IRAK2: variants seen among roughly 807,000 people sequenced by gnomAD.
The protein encoded by IRAK2 is interleukin-1 receptor-associated kinase-like 2.
In IRAK2, 57 loss-of-function variants were observed where a neutral mutation model predicts 72.0. The observed-to-expected ratio is 0.79, with a 90% CI of 0.64 to 0.99. The LOEUF is 0.99. Among genes scored for constraint, IRAK2 ranks in the 50% least tolerant of loss-of-function variants. IRAK2 has a pLI of 0.00. For synonymous variants in IRAK2, 293 were observed against 312.7 expected (o/e 0.94, Z 0.67); for missense variants, 790 against 794.4 (o/e 0.99, Z 0.07).
intron 1 of IRAK2, among the ~76,000 whole-genome samples, chr3:10,173,046 A>G (rs531512473): frequency 1.2e-4 from 18 of 152,062 alleles, no homozygotes; most frequent in African/African-American, 4.3e-4. Flanking sequence ...TACTTATATC[A>G]TGTTTATTGT....
At chr3:10,193,665 G>A (rs1301532653) in intron 2 of IRAK2, among the ~76,000 whole-genome samples, 2 of 152,174 alleles carry the variant, frequency 1.3e-5, no homozygotes, top group Non-Finnish European at 2.9e-5. Context: ...GAGAACTGCC[G>A]TGTCAACCTT....
At chr3:10,171,501 G>T (rs1696793715) in intron 1 of IRAK2, among the ~76,000 whole-genome samples, 1 of 152,116 alleles carries the variant, frequency 6.6e-6, no homozygotes, top group Non-Finnish European at 1.5e-5. Flanking sequence ...TGCTGTGGAG[G>T]ACTTTGAAGA....
At chr3:10,211,293 C>T (rs1030587069) in intron 4 of IRAK2, among the ~76,000 whole-genome samples, 1 of 150,624 alleles carries the variant, frequency 6.6e-6, no homozygotes, top group Admixed American at 6.6e-5. Flanking sequence ...AGGTGTGTGC[C>T]ACCACGCCTG....
Position 10,222,661 on chromosome 3 carries a change from C to T in IRAK2, c.1039C>T (p.Leu347Phe). ...CTCTAATGTCTTGCTGGACCAAAAT[C>T]TCACCCCCAAACTTGCTCACCCAAT... Reference protein sequence around the residue: ...KSSNVLLDQNLTPKLAHPMAH... With the variant: ...KSSNVLLDQNFTPKLAHPMAH... Residue 347 changes from leucine to phenylalanine, a missense_variant, in exon 9 of 13, where the codon CTC (leucine) becomes TTC (phenylalanine). Transcript: ENST00000256458. The T allele has an allele frequency of 6.2e-7, 1 of 1,614,124 alleles. No individual in the cohort carries two copies. The highest frequency in any genetic ancestry group is 1.1e-5 in the South Asian group (1 of 91,082).
chr3:10,224,646 G>C (rs1697743753), intron 9 of IRAK2, among the ~76,000 whole-genome samples: 1 of 143,952 alleles, frequency 6.9e-6, no homozygotes, highest in South Asian at 2.3e-4. Flanking sequence ...TAGCGTCACA[G>C]ATGACTTCCT....
At position 10,178,031 on chromosome 3, in the gene IRAK2, C is replaced by T. The variant is rs781685077; in HGVS notation, c.277+11C>T. 58 of 1,591,442 alleles carry T rather than the reference C, an allele frequency of 3.6e-5. 1 individual carries two copies. Among genetic ancestry groups the T allele is most frequent in the Middle Eastern group, 3.9e-4 (2 of 5,170 alleles). ...AGATCATCCTGAACTGTGAGTAACT[C>T]AGGGCCCTCCTTGAGTGGGGCCCAT... On this transcript the variant is annotated intron_variant, in intron 2 of 12. Coordinates refer to ENST00000256458, the MANE Select transcript of IRAK2 (RefSeq NM_001570.4).
At chr3:10,209,490 G>A in intron 3 of IRAK2, 99 bp from the exon 4 acceptor site, 1 of 662,838 alleles carries the variant, frequency 1.5e-6, no homozygotes, top group South Asian at 3.3e-5. Context: ...AAGTGTTTGG[G>A]GAGTGAACAG....
At position 10,228,872 on chromosome 3, in the gene IRAK2, T is replaced by C. The variant is rs868674669; in HGVS notation, c.1272+2439T>C. ...GTACCCTCTGACACGGCAGTTCCAT[T>C]TGTGCCTAGAGAAACATGCACACAT... is the stretch of plus-strand genomic sequence containing the variant. On this transcript the variant is annotated intron_variant, in intron 10 of 12. Transcript: ENST00000256458. Among the ~76,000 whole-genome samples, 155 of 152,300 alleles carry C rather than the reference T, an allele frequency of 1.0e-3. 1 individual carries two copies. The highest frequency in any genetic ancestry group is 3.6e-3 in the African/African-American group (151 of 41,566).
At position 10,171,070 on chromosome 3, in the gene IRAK2, T is replaced by G. The variant is rs116159154; in HGVS notation, c.94+6022T>G. ...ACGCTCTTTCAGATCCGACACTTGTTGGCAGATAATCTGGCCACGCCTAGT... is the reference window on the plus strand; with the variant it reads ...ACGCTCTTTCAGATCCGACACTTGTGGGCAGATAATCTGGCCACGCCTAGT... On this transcript the variant is annotated intron_variant, in intron 1 of 12. Transcript: ENST00000256458. 1.8e-3 allele frequency among the ~76,000 whole-genome samples: 272 copies of G among 152,356 alleles called. 1 individual carries two copies. Among genetic ancestry groups the G allele is most frequent in the African/African-American group, 6.3e-3 (261 of 41,584 alleles).
At chr3:10,219,167 G>A (rs923523447) in intron 7 of IRAK2, among the ~76,000 whole-genome samples, 1 of 152,190 alleles carries the variant, frequency 6.6e-6, no homozygotes, top group African/African-American at 2.4e-5. Flanking sequence ...ACTCCAGTCT[G>A]GGTGACAGAG....
Position 10,238,772 on chromosome 3 carries a change from G to A in IRAK2, c.1498G>A (p.Glu500Lys). The change falls in exon 12 of 13, where the codon GAA becomes AAA. Residue 500 changes from glutamate (E) to lysine (K), a missense_variant. Coordinates refer to ENST00000256458, the MANE Select transcript of IRAK2 (RefSeq NM_001570.4). ...QEVCGSVAAV[E>K]ERLRGRETLL... The stretch of plus-strand genomic sequence containing the variant: ...GGTGTGTGGCTCTGTGGCTGCTGTG[G>A]AAGAGCGGCTCCGAGGTCGGGAGAC... 1.2e-6 allele frequency: 2 copies of A among 1,614,146 alleles called. No homozygotes were observed. The highest frequency in any genetic ancestry group is 1.7e-6 in the Non-Finnish European group (2 of 1,179,988).
rs1214331206 is a variant in IRAK2 at position 10,192,581 on chromosome 3, AGCT to A, written c.278-7786_278-7784del. ...ATACTTGGTAGCAATTATCCCCCAG[AGCT>A]GTTACCTGAATTAAATAGGCCACAG... On this transcript the variant is annotated intron_variant, in intron 2 of 12. Transcript: ENST00000256458. Among the ~76,000 whole-genome samples, 6 of 152,322 alleles carry A rather than the reference AGCT, an allele frequency of 3.9e-5. No homozygotes were observed. In the South Asian group the frequency reaches 8.3e-4, roughly 21 times the overall value.
chr3:10,220,165 G>A (rs755787839), intron 8 of IRAK2, among the ~76,000 whole-genome samples: 1 of 152,154 alleles, frequency 6.6e-6, no homozygotes, highest in East Asian at 1.9e-4. Context: ...TGAGCTCCTC[G>A]TTCAGTGTCT....
At chr3:10,188,666 A>G (rs1386861755) in intron 2 of IRAK2, among the ~76,000 whole-genome samples, 1 of 152,204 alleles carries the variant, frequency 6.6e-6, no homozygotes, top group African/African-American at 2.4e-5. Context: ...AGCTGGGATT[A>G]CAGGCATGCG....
chr3:10,237,805 C>CAAAAAA (rs751642671), intron 11 of IRAK2, among the ~76,000 whole-genome samples: 1 of 55,800 alleles, frequency 1.8e-5, no homozygotes, highest in African/African-American at 5.5e-5. Context: ...GACTCTGTCT[C>CAAAAAA]AAAAAAAAAA....
chr3:10,207,784 G>A (rs1367205681), intron 3 of IRAK2, among the ~76,000 whole-genome samples: 1 of 152,076 alleles, frequency 6.6e-6, no homozygotes, highest in Non-Finnish European at 1.5e-5. Flanking sequence ...CTTGAGGTCA[G>A]GAGTTCAAAA....
chr3:10,182,293 T>TTC (rs1292752726), intron 2 of IRAK2, among the ~76,000 whole-genome samples: 3 of 148,672 alleles, frequency 2.0e-5, no homozygotes, highest in Admixed American at 2.0e-4. Context: ...TTTTCTTTTT[T>TTC]TTTTTTTGGG....
chr3:10,204,770 A>G (rs1297375073), intron 3 of IRAK2, among the ~76,000 whole-genome samples: 2 of 152,024 alleles, frequency 1.3e-5, no homozygotes, highest in African/African-American at 4.8e-5. Flanking sequence ...CAAACAAAAC[A>G]GAGCAAAAAA....
At chr3:10,235,441 G>C (rs1697941956) in intron 11 of IRAK2, among the ~76,000 whole-genome samples, 2 of 152,076 alleles carry the variant, frequency 1.3e-5, no homozygotes, top group East Asian at 3.9e-4. Flanking sequence ...TGAATTACAG[G>C]CATCAGCCGC....
Sources: allele counts gnomAD v4.1 joint callset (sites outside exome capture counted in the v4.1 genomes callset), GRCh38; gene constraint gnomAD v4.1.1; transcripts MANE v1.5; gene names NCBI Gene and HGNC (gene_info 2026-07-23, HGNC 2026-07-21).